Variants in PCCA observed in about 807,000 individuals in gnomAD.
The protein encoded by PCCA is propionyl-CoA carboxylase subunit alpha, also known as propionyl-CoA carboxylase alpha chain, mitochondrial.
In PCCA, 74 loss-of-function variants were observed where a neutral mutation model predicts 101.3. The ratio of observed to expected loss-of-function variants is 0.73; its 90% CI spans 0.61 to 0.89. The LOEUF is 0.89. PCCA is among the 40% of genes least tolerant of loss of function. The pLI, the probability that PCCA is intolerant of heterozygous loss-of-function variation, is 0.00. For synonymous variants in PCCA, 294 were observed against 313.6 expected (o/e 0.94, Z 0.66); for missense variants, 891 against 907.0 (o/e 0.98, Z 0.23).
chr13:100,351,341 G>A (rs1566982096), intron 18 of PCCA, among the ~76,000 whole-genome samples: 2 of 152,136 alleles, frequency 1.3e-5, no homozygotes, highest in Non-Finnish European at 2.9e-5. Flanking sequence ...TTGTCAGTGA[G>A]ATAAGTAAAA....
At chr13:100,184,687 G>A (rs1412923220) in intron 6 of PCCA, among the ~76,000 whole-genome samples, 3 of 152,182 alleles carry the variant, frequency 2.0e-5, no homozygotes, top group East Asian at 3.8e-4. Flanking sequence ...AAATGAATGG[G>A]TATGGCTGTG....
intron 7 of PCCA, among the ~76,000 whole-genome samples, chr13:100,212,684 A>C (rs1655982017): frequency 6.6e-6 from 1 of 152,102 alleles, no homozygotes; most frequent in Non-Finnish European, 1.5e-5. Context: ...TTTTTTAAAA[A>C]TTCTTCACCT....
At chr13:100,514,073 TCA>T (rs1489751358) in intron 21 of PCCA, among the ~76,000 whole-genome samples, 1 of 152,230 alleles carries the variant, frequency 6.6e-6, no homozygotes, top group African/African-American at 2.4e-5. Flanking sequence ...GCTTTTTCCC[TCA>T]CCACTTATGA....
At chr13:100,158,586 AT>A (rs1263487314) in intron 6 of PCCA, among the ~76,000 whole-genome samples, 1 of 152,072 alleles carries the variant, frequency 6.6e-6, no homozygotes, top group African/African-American at 2.4e-5. Flanking sequence ...CTTCCTTGGA[AT>A]TTTGACCAAG....
chr13:100,143,506 G>T (rs974853664), intron 4 of PCCA, among the ~76,000 whole-genome samples: 1 of 147,534 alleles, frequency 6.8e-6, no homozygotes, highest in African/African-American at 2.5e-5. Flanking sequence ...CTGTACTCCA[G>T]CCTGGGTGAC....
intron 16 of PCCA, among the ~76,000 whole-genome samples, chr13:100,320,958 C>T (rs2067966808): frequency 6.6e-6 from 1 of 152,122 alleles, no homozygotes; most frequent in African/African-American, 2.4e-5. Context: ...GTTGTCCAGG[C>T]TGGTCACAAA....
At chr13:100,163,517 A>G (rs1452429011) in intron 6 of PCCA, among the ~76,000 whole-genome samples, 1 of 152,104 alleles carries the variant, frequency 6.6e-6, no homozygotes, top group Non-Finnish European at 1.5e-5. Context: ...AATAATTCTG[A>G]TGGTCTCTAT....
At chr13:100,400,627 G>GTTTTTTTTTTTTTTTTTTT (rs763331038) in intron 19 of PCCA, among the ~76,000 whole-genome samples, 2 of 80,240 alleles carry the variant, frequency 2.5e-5, no homozygotes, top group African/African-American at 1.3e-4. Flanking sequence ...GTTCTTTTTA[G>GTTTTTTTTTTTTTTTTTTT]TTCTTTTTTT....
chr13:100,238,409 TAA>T (rs1177941780), intron 8 of PCCA, among the ~76,000 whole-genome samples: 1 of 152,144 alleles, frequency 6.6e-6, no homozygotes, highest in African/African-American at 2.4e-5. Context: ...TAATCTAATC[TAA>T]GTCTTTTTTC....
intron 4 of PCCA, among the ~76,000 whole-genome samples, chr13:100,152,211 CT>C (rs752402409): frequency 2.0e-5 from 3 of 152,170 alleles, no homozygotes; most frequent in Non-Finnish European, 2.9e-5. Flanking sequence ...ACCCTGCCCC[CT>C]GAAGTAAGAT....
chr13:100,386,786 C>G (rs1197737129), intron 19 of PCCA, among the ~76,000 whole-genome samples: 1 of 152,158 alleles, frequency 6.6e-6, no homozygotes, highest in Admixed American at 6.6e-5. Flanking sequence ...TTGGAAGGAG[C>G]CACAAGAAAC....
chr13:100,481,666 G>A (rs1295651733), intron 21 of PCCA, among the ~76,000 whole-genome samples: 1 of 152,180 alleles, frequency 6.6e-6, no homozygotes, highest in Non-Finnish European at 1.5e-5. Flanking sequence ...GCGTGGAGAT[G>A]CTGGACCCCG....
At chr13:100,191,425 G>A (rs527441201) in intron 6 of PCCA, among the ~76,000 whole-genome samples, 2 of 152,236 alleles carry the variant, frequency 1.3e-5, no homozygotes, top group African/African-American at 4.8e-5. Context: ...CACTTGTGTC[G>A]CAGCTTACTA....
intron 20 of PCCA, among the ~76,000 whole-genome samples, chr13:100,447,306 C>T (rs965596765): frequency 6.6e-6 from 1 of 152,060 alleles, no homozygotes; most frequent in Admixed American, 6.6e-5. Context: ...ATCGCTTGAA[C>T]CCAGGAGGCA....
intron 21 of PCCA, among the ~76,000 whole-genome samples, chr13:100,496,178 C>T (rs990969905): frequency 6.6e-6 from 1 of 152,236 alleles, no homozygotes; most frequent in Non-Finnish European, 1.5e-5. Flanking sequence ...ACAAACCTTT[C>T]AAATTTTGCC....
chr13:100,115,230 G>A (rs2048693477), intron 4 of PCCA, among the ~76,000 whole-genome samples: 2 of 152,054 alleles, frequency 1.3e-5, no homozygotes, highest in African/African-American at 4.8e-5. Context: ...AAAACAATTG[G>A]ACTCATAGAG....
intron 19 of PCCA, among the ~76,000 whole-genome samples, chr13:100,398,352 G>T (rs1191846204): frequency 6.6e-6 from 1 of 152,198 alleles, no homozygotes; most frequent in African/African-American, 2.4e-5. Flanking sequence ...CGTTACCTCA[G>T]TGGGAAGGTT....
chr13:100,351,953 G>A lies in PCCA; in HGVS notation c.1643+11694G>A, dbSNP rs147050147. 3.6e-3 allele frequency among the ~76,000 whole-genome samples: 554 copies of A among 152,250 alleles called. 3 individuals carry two copies. The highest frequency in any genetic ancestry group is 0.013 in the African/African-American group (527 of 41,550). Reference sequence around the variant, plus strand: ...AGAGCAGAGACTAGCAAACCATGTTGCTTGGAAGCATGGTTCAAATTGTAA... The same window carrying A: ...AGAGCAGAGACTAGCAAACCATGTTACTTGGAAGCATGGTTCAAATTGTAA... On this transcript the variant is annotated intron_variant, in intron 18 of 23. Transcript: ENST00000376285.
chr13:100,530,054 CT>C, intron 23 of PCCA, 43 bp from the exon 24 acceptor site: 1 of 1,485,790 alleles, frequency 6.7e-7, no homozygotes. Context: ...GTTCTGGTTA[CT>C]AATTCTTACT....
Sources: gnomAD v4.1 joint callset for allele counts (sites outside exome capture counted in the v4.1 genomes callset) on GRCh38, gnomAD v4.1.1 for gene constraint, MANE v1.5 for transcripts, NCBI Gene and HGNC (gene_info 2026-07-23, HGNC 2026-07-21) for gene names.